Variants in MAGI3 observed in about 807,000 individuals in gnomAD.
MAGI3 encodes the protein membrane associated guanylate kinase, WW and PDZ domain containing 3.
Under a neutral mutation model 121.8 loss-of-function variants are expected in MAGI3, and 43 were observed. The ratio of observed to expected loss-of-function variants is 0.35; its 90% CI spans 0.28 to 0.46. The LOEUF (loss-of-function observed/expected upper bound fraction) is 0.46, where lower values mean the gene tolerates loss of function less well. Ranked by LOEUF, MAGI3 falls within the 20% of genes least tolerant of loss-of-function variation. MAGI3 has a pLI of 1.00. For missense variants in MAGI3, 1,547 were observed against 1,797.3 expected (o/e 0.86, Z 2.52); for synonymous variants, 553 against 639.3 (o/e 0.86, Z 2.04).
chr1:113,667,556 A>C (rs773726090), intron 16 of MAGI3, among the ~76,000 whole-genome samples: 1 of 152,238 alleles, frequency 6.6e-6, no homozygotes, highest in Non-Finnish European at 1.5e-5. Context: ...CAGACCACTA[A>C]AACTTTCTCC....
At chr1:113,680,082 T>C (rs898400988) in intron 19 of MAGI3, among the ~76,000 whole-genome samples, 4 of 152,230 alleles carry the variant, frequency 2.6e-5, no homozygotes, top group African/African-American at 9.7e-5. Context: ...ATTAATCTAT[T>C]CTCCAAGTTT....
At chr1:113,423,417 G>A (rs375669651) in intron 1 of MAGI3, among the ~76,000 whole-genome samples, 1 of 151,560 alleles carries the variant, frequency 6.6e-6, no homozygotes, top group African/African-American at 2.4e-5. Flanking sequence ...GACTACAGGC[G>A]CCCGCCACTA....
chr1:113,631,572 AT>A (rs1352179252), intron 9 of MAGI3, among the ~76,000 whole-genome samples: 1 of 152,214 alleles, frequency 6.6e-6, no homozygotes, highest in East Asian at 1.9e-4. Context: ...CTAAAGATTT[AT>A]TAATCATCTC....
intron 1 of MAGI3, among the ~76,000 whole-genome samples, chr1:113,406,398 T>G (rs1327970204): frequency 6.7e-6 from 1 of 149,758 alleles, no homozygotes; most frequent in Non-Finnish European, 1.5e-5. Context: ...CAGTAAATTA[T>G]GATCGTGCTA....
chr1:113,674,220 C>T (rs1299791694), intron 19 of MAGI3, among the ~76,000 whole-genome samples: 7 of 151,914 alleles, frequency 4.6e-5, no homozygotes, highest in East Asian at 3.9e-4. Flanking sequence ...GGAGAAACCC[C>T]GTCTGTACTA....
chr1:113,549,474 A>G (rs1345999524), intron 1 of MAGI3, 41 bp from the exon 2 acceptor site: 1 of 1,106,396 alleles, frequency 9.0e-7, no homozygotes, highest in Admixed American at 2.1e-5. Flanking sequence ...TCTAAAAATT[A>G]TGCATTTATT....
At position 113,415,377 on chromosome 1, in the gene MAGI3, G is replaced by T. The variant is rs116567949; in HGVS notation, c.316+24028G>T. Among the ~76,000 whole-genome samples, 6 of 152,032 alleles carry T rather than the reference G, an allele frequency of 3.9e-5. No homozygotes were observed. In the East Asian group the frequency reaches 1.2e-3, roughly 29 times the overall value. ...TTTTGTAACCATCCCCATTCCCCAC[G>T]CCTGATAGAACATCTAACACTAATT... On this transcript the variant is annotated intron_variant, in intron 1 of 20. Transcript: ENST00000307546.
intron 1 of MAGI3, among the ~76,000 whole-genome samples, chr1:113,540,418 T>A (rs544079733): frequency 2.5e-3 from 381 of 152,316 alleles, no homozygotes; most frequent in African/African-American, 8.7e-3. Flanking sequence ...ACCTTCTTAG[T>A]GTGGACTCCA....
rs66491944 is a variant in MAGI3 at position 113,521,419 on chromosome 1, TG to T, written c.317-28095del. 6.0e-3 allele frequency among the ~76,000 whole-genome samples: 528 copies of T among 88,658 alleles called. 2 individuals are homozygous for T. The highest frequency in any genetic ancestry group is 0.034 in the East Asian group (27 of 792). The allele number at this position is 88,658 out of a possible 152,430, so 58.2% of individuals were successfully genotyped here. A position where few individuals can be genotyped will look rare whatever the true frequency, so the allele number is the denominator to read the frequency against. On this transcript the variant is annotated intron_variant, in intron 1 of 20. Coordinates refer to ENST00000307546, the MANE Select transcript of MAGI3 (RefSeq NM_001142782.2). Reference sequence around the variant, plus strand: ...CTGTTTTTTTTTGTTTTTTGTTTTTTGTTTTTAAGATGGGGACTTGCTCTGT... The same window carrying T: ...CTGTTTTTTTTTGTTTTTTGTTTTTTTTTTTAAGATGGGGACTTGCTCTGT...
chr1:113,634,600 G>T (rs1448303808), intron 9 of MAGI3, among the ~76,000 whole-genome samples: 1 of 152,158 alleles, frequency 6.6e-6, no homozygotes, highest in Non-Finnish European at 1.5e-5. Flanking sequence ...CTATATCTCT[G>T]TTTTGGTACC....
At chr1:113,473,035 G>C (rs928348219) in intron 1 of MAGI3, among the ~76,000 whole-genome samples, 1 of 152,114 alleles carries the variant, frequency 6.6e-6, no homozygotes, top group Non-Finnish European at 1.5e-5. Flanking sequence ...TGAATTTATA[G>C]TAACTTTTTA....
At chr1:113,566,836 A>G (rs1198568300) in intron 2 of MAGI3, among the ~76,000 whole-genome samples, 2 of 152,098 alleles carry the variant, frequency 1.3e-5, no homozygotes, top group Non-Finnish European at 2.9e-5. Flanking sequence ...TTAAAAGAGA[A>G]GAAAAATCTC....
intron 1 of MAGI3, among the ~76,000 whole-genome samples, chr1:113,534,456 T>C (rs1228380868): frequency 6.6e-6 from 1 of 152,094 alleles, no homozygotes; most frequent in Non-Finnish European, 1.5e-5. Context: ...GCATGCCCTT[T>C]CTCCTGCCTG....
intron 12 of MAGI3, among the ~76,000 whole-genome samples, chr1:113,647,471 G>C (rs1652915676): frequency 6.6e-6 from 1 of 152,134 alleles, no homozygotes; most frequent in Non-Finnish European, 1.5e-5. Context: ...CTAAAGAGTT[G>C]ACTCCTTACA....
At chr1:113,544,128 C>G (rs1210098636) in intron 1 of MAGI3, among the ~76,000 whole-genome samples, 1 of 152,076 alleles carries the variant, frequency 6.6e-6, no homozygotes, top group Non-Finnish European at 1.5e-5. Context: ...AAGAAGTAGA[C>G]AGTTTGATTT....
rs375194096 is a variant in MAGI3, at chr1:113,457,233, A to C, written c.316+65884A>C. 8.7e-4 allele frequency among the ~76,000 whole-genome samples: 132 copies of C among 152,258 alleles called. 2 individuals carry two copies. The South Asian group carries it at 0.027, about 31-fold the overall frequency. ...TTTTCAGTGGAATTAAACCAACATGATTGTTGAAAGAGATCAAAATTTGGC... is the reference window on the plus strand; with the variant it reads ...TTTTCAGTGGAATTAAACCAACATGCTTGTTGAAAGAGATCAAAATTTGGC... On this transcript the variant is annotated intron_variant, in intron 1 of 20. Coordinates refer to ENST00000307546, the MANE Select transcript of MAGI3 (RefSeq NM_001142782.2).
At position 113,651,177 on chromosome 1, in the gene MAGI3, T is replaced by C. The variant is rs1319037845; in HGVS notation, c.2411T>C (p.Leu804Pro). The change falls in exon 14 of 21, where the codon CTA (leucine) becomes CCA (proline). Residue 804 changes from leucine (L) to proline (P), a missense_variant. Physicochemically the swap from Leu to Pro is moderately conservative, Grantham distance 98. Transcript: ENST00000307546. ...GCTGCTCGAAATGGCCATGTGTTAC[T>C]AACTGTCAGACGGAAGATCTTCTAT... is the stretch of plus-strand genomic sequence containing the variant. ...TTAARNGHVL[L>P]TVRRKIFYGE... 5 of 1,612,856 alleles carry C rather than the reference T, an allele frequency of 3.1e-6. No individual in the cohort carries two copies. The highest frequency in any genetic ancestry group is 4.2e-6 in the Non-Finnish European group (5 of 1,179,828).
At chr1:113,462,712 T>C (rs1037870851) in intron 1 of MAGI3, among the ~76,000 whole-genome samples, 1 of 151,980 alleles carries the variant, frequency 6.6e-6, no homozygotes, top group Non-Finnish European at 1.5e-5. Context: ...AAATAAAAGG[T>C]GAAAAACAAA....
intron 2 of MAGI3, among the ~76,000 whole-genome samples, chr1:113,555,499 A>G (rs1248752919): frequency 6.6e-6 from 1 of 152,214 alleles, no homozygotes; most frequent in Non-Finnish European, 1.5e-5. Context: ...ATGCCACCCA[A>G]CAGCAGCAGA....
Sources: gnomAD v4.1 joint callset for allele counts (sites outside exome capture counted in the v4.1 genomes callset) on GRCh38, gnomAD v4.1.1 for gene constraint, MANE v1.5 for transcripts, NCBI Gene and HGNC (gene_info 2026-07-23, HGNC 2026-07-21) for gene names.